SCN9A: variants seen among roughly 807,000 people sequenced by gnomAD.
SCN9A encodes the protein sodium voltage-gated channel alpha subunit 9, also known as sodium channel protein type 9 subunit alpha.
A neutral mutation model predicts 187.0 loss-of-function variants in SCN9A; 131 were observed. The observed-to-expected ratio is 0.70, with a 90% CI of 0.61 to 0.81. SCN9A has a LOEUF of 0.81. Among genes scored for constraint, SCN9A ranks in the 30% least tolerant of loss-of-function variants. The probability of loss-of-function intolerance (pLI) is 0.00; values close to 1 mark genes in which losing one functional copy is unlikely to be tolerated. For missense variants in SCN9A, 2,252 were observed against 2,396.6 expected (o/e 0.94, Z 1.26); for synonymous variants, 809 against 808.6 (o/e 1.00, Z -0.01).
intron 19 of SCN9A, among the ~76,000 whole-genome samples, chr2:166,239,247 C>T (rs540181490): frequency 2.1e-5 from 3 of 144,204 alleles, no homozygotes; most frequent in South Asian, 2.2e-4. Context: ...AAAAAAGGCT[C>T]ATTGAGACAC....
chr2:166,339,622 G>A (rs1699714723), intron 1 of SCN9A, among the ~76,000 whole-genome samples: 1 of 152,074 alleles, frequency 6.6e-6, no homozygotes, highest in Non-Finnish European at 1.5e-5. Context: ...ATGATATCAA[G>A]CATCTATATT....
chr2:166,257,148 C>A (rs1370427036), intron 17 of SCN9A, among the ~76,000 whole-genome samples: 3 of 151,608 alleles, frequency 2.0e-5, no homozygotes, highest in Admixed American at 1.3e-4. Flanking sequence ...GCAGAGAAAG[C>A]AGCTGGAATA....
rs1176158187 is a variant in SCN9A at position 166,284,433 on chromosome 2, G to C, written c.1974+20C>G. 5.7e-6 allele frequency: 9 copies of C among 1,586,276 alleles called. No homozygotes were observed. Among genetic ancestry groups the C allele is most frequent in the African/African-American group, 1.3e-5 (1 of 74,410 alleles). ...GGAACAAGGGCCCAGCCATGCCTGAGCTATGTAAAACGTCCTTACGCTGTC... is the reference window on the plus strand; with the variant it reads ...GGAACAAGGGCCCAGCCATGCCTGACCTATGTAAAACGTCCTTACGCTGTC... On this transcript the variant is annotated intron_variant, in intron 12 of 26. Transcript: ENST00000642356.
In SCN9A at chr2:166,279,618, C is replaced by A. The variant is rs534827999; in HGVS notation, c.2343+739G>T. Among the ~76,000 whole-genome samples, 77 of 152,170 alleles carry A rather than the reference C, an allele frequency of 5.1e-4. 1 individual carries two copies. Among genetic ancestry groups the A allele is most frequent in the African/African-American group, 1.6e-3 (65 of 41,530 alleles). ...TTGAGTCTTCTATGTCCAGTTCAAC[C>A]ATTTTGGTTTCTCAAAATAGTTGTT... is the stretch of plus-strand genomic sequence containing the variant. On this transcript the variant is annotated intron_variant, in intron 14 of 26. Coordinates refer to ENST00000642356, the MANE Select transcript of SCN9A (RefSeq NM_001365536.1).
intron 1 of SCN9A, among the ~76,000 whole-genome samples, chr2:166,370,036 A>G (rs1035645694): frequency 1.3e-5 from 2 of 151,944 alleles, no homozygotes; most frequent in African/African-American, 4.8e-5. Flanking sequence ...ATGGATTTGA[A>G]TATCTACATT....
intron 1 of SCN9A, among the ~76,000 whole-genome samples, chr2:166,368,952 A>T (rs1224234778): frequency 6.6e-6 from 1 of 151,194 alleles, no homozygotes; most frequent in East Asian, 1.9e-4. Context: ...GTACCATTGC[A>T]CTCCAGCCTG....
chr2:166,236,629 G>A (rs1399306053), intron 20 of SCN9A, among the ~76,000 whole-genome samples: 1 of 151,970 alleles, frequency 6.6e-6, no homozygotes, highest in Admixed American at 6.6e-5. Flanking sequence ...CACCATGTTG[G>A]CCAGGCTGGT....
intron 24 of SCN9A, among the ~76,000 whole-genome samples, chr2:166,220,878 G>A (rs571085114): frequency 1.3e-5 from 2 of 152,252 alleles, no homozygotes; most frequent in South Asian, 4.1e-4. Flanking sequence ...AGTGTTTACA[G>A]ATGACATTAT....
At chr2:166,309,508 A>G (rs1698871784) in intron 2 of SCN9A, among the ~76,000 whole-genome samples, 1 of 152,312 alleles carries the variant, frequency 6.6e-6, no homozygotes, top group Admixed American at 6.5e-5. Context: ...CAATTGCTTC[A>G]AAGAGAATAA....
At chr2:166,242,389 A>G (rs1165400580) in intron 19 of SCN9A, 113 bp downstream of exon 19, 2 of 934,344 alleles carry the variant, frequency 2.1e-6, no homozygotes, top group Non-Finnish European at 3.1e-6. Flanking sequence ...ATTGGCACTA[A>G]TCATAGGGAT....
At chr2:166,222,654 C>A (rs545598366) in intron 24 of SCN9A, among the ~76,000 whole-genome samples, 3 of 143,266 alleles carry the variant, frequency 2.1e-5, no homozygotes, top group African/African-American at 5.8e-5. Context: ...GCAACAAGGC[C>A]GGGCGTGGTG....
intron 17 of SCN9A, among the ~76,000 whole-genome samples, chr2:166,253,298 T>C (rs1360940524): frequency 6.6e-6 from 1 of 151,816 alleles, no homozygotes; most frequent in Non-Finnish European, 1.5e-5. Flanking sequence ...AGAGAACTCC[T>C]CCAATCTATG....
chr2:166,240,801 A>C (rs1695532721), intron 19 of SCN9A, among the ~76,000 whole-genome samples: 1 of 152,174 alleles, frequency 6.6e-6, no homozygotes, highest in African/African-American at 2.4e-5. Context: ...GACATTCCTC[A>C]GGGTTGTGTT....
intron 24 of SCN9A, among the ~76,000 whole-genome samples, chr2:166,213,490 A>AATAATAAT (rs1553476067): frequency 6.8e-6 from 1 of 147,584 alleles, no homozygotes; most frequent in African/African-American, 2.5e-5. Context: ...TAATAATAAT[A>AATAATAAT]ATAATGATAA....
chr2:166,298,233 C>A (rs58925228), intron 7 of SCN9A, among the ~76,000 whole-genome samples: 23,475 of 152,052 alleles, frequency 0.15, 2,554 homozygotes, highest in African/African-American at 0.3. Context: ...GCCAATATTG[C>A]GGTTTTTTCA....
intron 1 of SCN9A, among the ~76,000 whole-genome samples, chr2:166,315,658 C>G (rs1699091037): frequency 6.6e-6 from 1 of 152,160 alleles, no homozygotes; most frequent in Admixed American, 6.5e-5. Context: ...AGAAGAGCAG[C>G]TTTAGTTGGC....
chr2:166,219,048 T>C (rs910337601), intron 24 of SCN9A, among the ~76,000 whole-genome samples: 4 of 152,062 alleles, frequency 2.6e-5, no homozygotes, highest in Non-Finnish European at 2.9e-5. Context: ...ATGGCTATTA[T>C]GAAAAAGTCA....
In SCN9A at chr2:166,272,759, C is replaced by A. The variant is rs747287072; in HGVS notation, c.2991G>T (p.Lys997Asn). Residue 997 changes from lysine (K) to asparagine (N), a missense_variant, in exon 17 of 27, where the codon AAG becomes AAT. Around this residue, in one of 7 missense-constraint regions of SCN9A, gnomAD observed 313 missense variants for 295.3 expected, o/e 1.06. Coordinates refer to ENST00000642356, the MANE Select transcript of SCN9A (RefSeq NM_001365536.1). ...NLQIAVTRIK[K>N]GINYVKQTLR... ...AGGTTTGTTTCACATAATTTATTCC[C>A]TTTTTAATTCTAGTCACTGCAATCT... The A allele has an allele frequency of 1.7e-5, 26 of 1,543,264 alleles. No homozygotes were observed. The highest frequency in any genetic ancestry group is 2.3e-5 in the Non-Finnish European group (26 of 1,148,892).
Position 166,204,024 on chromosome 2 carries a change from G to A in SCN9A, c.4705C>T (p.Leu1569Phe), listed in dbSNP as rs1693671081. The A allele has an allele frequency of 6.2e-7, 1 of 1,606,746 alleles. No homozygotes were observed. Among genetic ancestry groups the A allele is most frequent in the Non-Finnish European group, 8.5e-7 (1 of 1,173,990 alleles). Residue 1569 changes from leucine to phenylalanine, a missense_variant, in exon 26 of 27, where the codon CTC becomes TTC. This residue lies in a region of SCN9A where 368 missense variants were observed against 408.6 expected (regional missense o/e 0.90). Transcript: ENST00000642356. ...CCTACAGTGAAGTAGTAGTGTCTGA[G>A]GGAGATCAGTTTTAGCACACATTCT... is the stretch of plus-strand genomic sequence containing the variant. The part of the protein sequence containing the change: ...TGECVLKLIS[L>F]RHYYFTVGWN...
Sources: gnomAD v4.1 joint callset for allele counts (sites outside exome capture counted in the v4.1 genomes callset) on GRCh38, gnomAD v4.1.1 for gene constraint, gnomAD v4.1.1 regional missense constraint, MANE v1.5 for transcripts, NCBI Gene and HGNC (gene_info 2026-07-23, HGNC 2026-07-21) for gene names.